EIF3H: variants seen among roughly 807,000 people sequenced by gnomAD.
EIF3H encodes the protein eukaryotic translation initiation factor 3 subunit H.
Under a neutral mutation model 44.2 loss-of-function variants are expected in EIF3H, and 26 were observed. The observed-to-expected ratio is 0.59, with a 90% CI of 0.43 to 0.82. EIF3H has a LOEUF of 0.82. Ranked by LOEUF, EIF3H falls within the 40% of genes least tolerant of loss-of-function variation. EIF3H has a pLI of 0.00. For missense variants in EIF3H, 359 were observed against 432.8 expected (o/e 0.83, Z 1.51); for synonymous variants, 166 against 151.9 (o/e 1.09, Z -0.68).
At chr8:116,748,896 C>A (rs1815283848) in intron 1 of EIF3H, among the ~76,000 whole-genome samples, 1 of 152,050 alleles carries the variant, frequency 6.6e-6, no homozygotes, top group Non-Finnish European at 1.5e-5. Context: ...AATTATTATA[C>A]TGTATTGGTT....
intron 1 of EIF3H, among the ~76,000 whole-genome samples, chr8:116,751,241 A>ATAAAG (rs1815335503): frequency 6.6e-6 from 1 of 151,892 alleles, no homozygotes; most frequent in Non-Finnish European, 1.5e-5. Flanking sequence ...ATAAAATAAA[A>ATAAAG]TAAAATAAAA....
intron 2 of EIF3H, among the ~76,000 whole-genome samples, chr8:116,695,758 G>A (rs1353577868): frequency 6.6e-6 from 1 of 152,146 alleles, no homozygotes; most frequent in African/African-American, 2.4e-5. Flanking sequence ...TGAGCAAGGT[G>A]GGGAGGGCAT....
intron 1 of EIF3H, among the ~76,000 whole-genome samples, chr8:116,733,421 G>C (rs1814983138): frequency 6.6e-6 from 1 of 152,162 alleles, no homozygotes; most frequent in African/African-American, 2.4e-5. Context: ...TGGGTGACCT[G>C]CTCCATCCTG....
At chr8:116,691,575 A>G (rs546398031) in intron 2 of EIF3H, among the ~76,000 whole-genome samples, 2 of 152,096 alleles carry the variant, frequency 1.3e-5, no homozygotes, top group South Asian at 4.1e-4. Flanking sequence ...AAAAGCCTAT[A>G]AAAGAAATGC....
chr8:116,742,617 C>A (rs2130963058), intron 1 of EIF3H, among the ~76,000 whole-genome samples: 1 of 152,266 alleles, frequency 6.6e-6, no homozygotes, highest in East Asian at 1.9e-4. Flanking sequence ...AAGTTTATTA[C>A]ATTCAAGTTT....
At chr8:116,668,918 A>T (rs1303414345) in intron 2 of EIF3H, among the ~76,000 whole-genome samples, 1 of 152,104 alleles carries the variant, frequency 6.6e-6, no homozygotes, top group Non-Finnish European at 1.5e-5. Context: ...TCTGGGTCAG[A>T]AGGAAATGTT....
chr8:116,657,686 T>G (rs1312871653), intron 3 of EIF3H: 1 of 198,736 alleles, frequency 5.0e-6, no homozygotes, highest in African/African-American at 2.4e-5. Flanking sequence ...GAAAATTCAC[T>G]GCATGTACTT....
chr8:116,734,902 T>A (rs1383851660), intron 1 of EIF3H, among the ~76,000 whole-genome samples: 2 of 152,196 alleles, frequency 1.3e-5, no homozygotes, highest in African/African-American at 2.4e-5. Context: ...AATTCAAAAC[T>A]ACCAATTTCA....
rs1231324855 is a variant in EIF3H at position 116,657,214 on chromosome 8, C to T, written c.557+1G>A. On this transcript the variant is annotated splice_donor_variant, in intron 4 of 7. Coordinates refer to ENST00000521861, the MANE Select transcript of EIF3H (RefSeq NM_003756.3). LOFTEE classifies it high-confidence loss of function. ...TTTACCAGATGCCCCCAAACACTTA[C>T]GCTTCAGGGGAAAAATCCTTTTCTT... 3.7e-6 allele frequency: 6 copies of T among 1,610,376 alleles called. No individual in the cohort carries two copies. Among genetic ancestry groups the T allele is most frequent in the East Asian group, 4.5e-5 (2 of 44,842 alleles).
At chr8:116,751,246 A>ATAAAG (rs1815335541) in intron 1 of EIF3H, among the ~76,000 whole-genome samples, 1 of 151,934 alleles carries the variant, frequency 6.6e-6, no homozygotes, top group African/African-American at 2.4e-5. Context: ...ATAAAATAAA[A>ATAAAG]TAAAAGTATG....
intron 2 of EIF3H, among the ~76,000 whole-genome samples, chr8:116,695,972 A>C (rs1263847325): frequency 1.3e-5 from 2 of 152,258 alleles, no homozygotes; most frequent in South Asian, 4.1e-4. Context: ...CATGGTTTTC[A>C]ATATAAATAA....
rs780141631 is a variant in EIF3H at position 116,708,995 on chromosome 8, TA to T, written c.289+17020del. ...TTTTGGTTTAGCCAGGGCCTTTCTT[TA>T]AAAAAAAAAAAAAATTTTTTTTTGC... On this transcript the variant is annotated intron_variant, in intron 2 of 7. Coordinates refer to ENST00000521861, the MANE Select transcript of EIF3H (RefSeq NM_003756.3). Among the ~76,000 whole-genome samples the T allele has an allele frequency of 4.0e-3, 560 of 140,624 alleles. 2 individuals are homozygous for T. Among genetic ancestry groups the T allele is most frequent in the Admixed American group, 5.8e-3 (82 of 14,156 alleles). 92.3% of individuals were successfully genotyped at this position (140,624 alleles called of 152,430 possible).
At chr8:116,661,055 G>GATTCACATCAACC (rs1273308451) in intron 2 of EIF3H, among the ~76,000 whole-genome samples, 3 of 152,140 alleles carry the variant, frequency 2.0e-5, no homozygotes, top group Non-Finnish European at 4.4e-5. Context: ...TAGTTTAACA[G>GATTCACATCAACC]ATTCACATCA....
intron 2 of EIF3H, among the ~76,000 whole-genome samples, chr8:116,669,092 A>G (rs1266204311): frequency 6.6e-6 from 1 of 152,194 alleles, no homozygotes; most frequent in East Asian, 1.9e-4. Flanking sequence ...TCTAACATTC[A>G]TGTCATGAAA....
intron 1 of EIF3H, among the ~76,000 whole-genome samples, chr8:116,744,240 C>A (rs1815193816): frequency 6.8e-6 from 1 of 148,076 alleles, no homozygotes; most frequent in Non-Finnish European, 1.5e-5. Context: ...AAACAGTAAG[C>A]CTCAAGATAC....
chr8:116,642,974 TATTGA>T lies in EIF3H; in HGVS notation c.*2027_*2031del, dbSNP rs995269345. 6.6e-6 allele frequency: 1 copy of T among 152,228 alleles called. No homozygotes were observed. Among genetic ancestry groups the T allele is most frequent in the Admixed American group, 6.5e-5 (1 of 15,286 alleles). The allele number at this position is 152,228 out of a possible 1,614,324, so 9.4% of individuals were successfully genotyped here. A position where few individuals can be genotyped will look rare whatever the true frequency, so the allele number is the denominator to read the frequency against. Reference sequence around the variant, plus strand: ...TTTAAGAATCACACCTTTAAAAACATATTGAATTGACTCAGTTAAATTACTCTTAA... The same window carrying T: ...TTTAAGAATCACACCTTTAAAAACATATTGACTCAGTTAAATTACTCTTAA... On this transcript the variant is annotated 3_prime_UTR_variant, in exon 8 of 8. Coordinates refer to ENST00000521861, the MANE Select transcript of EIF3H (RefSeq NM_003756.3).
intron 2 of EIF3H, among the ~76,000 whole-genome samples, chr8:116,664,811 A>G (rs1372309730): frequency 6.6e-6 from 1 of 152,218 alleles, no homozygotes; most frequent in African/African-American, 2.4e-5. Context: ...ATATTTAATG[A>G]CTTAATATTT....
rs1036225935 is a variant in EIF3H at position 116,657,309 on chromosome 8, T to C, written c.463A>G (p.Ile155Val). The change falls in exon 4 of 8, where the codon ATA (isoleucine) becomes GTA (valine). Residue 155 changes from isoleucine (I) to valine (V), a missense_variant. Around this residue, in one of 5 missense-constraint regions of EIF3H, gnomAD observed 91 missense variants for 164.6 expected, o/e 0.55. Coordinates refer to ENST00000521861, the MANE Select transcript of EIF3H (RefSeq NM_003756.3). ...EESVVLIYDP[I>V]KTAQGSLSLK... ...GAGAGAGATCCTTGGGCAGTTTTTA[T>C]GGGATCTCAAACAAGGAAAGAGAAA... 3 of 1,611,156 alleles carry C rather than the reference T, an allele frequency of 1.9e-6. No homozygotes were observed. Among genetic ancestry groups the C allele is most frequent in the Non-Finnish European group, 2.5e-6 (3 of 1,177,482 alleles).
chr8:116,696,866 T>C (rs192577379), intron 2 of EIF3H, among the ~76,000 whole-genome samples: 1 of 152,288 alleles, frequency 6.6e-6, no homozygotes, highest in African/African-American at 2.4e-5. Context: ...AGAACAGCCC[T>C]GCACACACAA....
Sources: allele counts gnomAD v4.1 joint callset (sites outside exome capture counted in the v4.1 genomes callset), GRCh38; gene constraint gnomAD v4.1.1; regional missense constraint gnomAD v4.1.1; transcripts MANE v1.5; gene names NCBI Gene and HGNC (gene_info 2026-07-23, HGNC 2026-07-21).